Variants in THSD7B observed in about 807,000 individuals in gnomAD.
THSD7B encodes the protein thrombospondin type-1 domain-containing protein 7B.
Under a neutral mutation model 213.6 loss-of-function variants are expected in THSD7B, and 138 were observed. The ratio of observed to expected loss-of-function variants is 0.65; its 90% CI spans 0.56 to 0.74. THSD7B has a LOEUF of 0.74. Among genes scored for constraint, THSD7B ranks in the 30% least tolerant of loss-of-function variants. THSD7B has a pLI of 0.00. For synonymous variants in THSD7B, 742 were observed against 687.0 expected (o/e 1.08, Z -1.25); for missense variants, 1,931 against 1,991.5 (o/e 0.97, Z 0.58).
chr2:136,890,303 C>CCTCCTCCTCTTCTTCTTCTTCTT (rs1553455794), intron 2 of THSD7B, among the ~76,000 whole-genome samples: 2 of 5,164 alleles, frequency 3.9e-4, no homozygotes, highest in African/African-American at 1.1e-3. Flanking sequence ...ATGTCCTACT[C>CCTCCTCCTCTTCTTCTTCTTCTT]CTTCTTCTTC....
chr2:137,236,727 C>G (rs1681771114), intron 9 of THSD7B, among the ~76,000 whole-genome samples: 2 of 152,136 alleles, frequency 1.3e-5, no homozygotes, highest in Non-Finnish European at 2.9e-5. Context: ...TACATCAGTT[C>G]CTGGGTCAGA....
chr2:137,391,577 A>G (rs1302176612), intron 12 of THSD7B, among the ~76,000 whole-genome samples: 4 of 151,284 alleles, frequency 2.6e-5, no homozygotes, highest in Non-Finnish European at 5.9e-5. Flanking sequence ...ATTCCCATCT[A>G]TTGGGAGGCT....
intron 26 of THSD7B, among the ~76,000 whole-genome samples, chr2:137,666,988 A>G (rs1371433727): frequency 6.6e-6 from 1 of 152,122 alleles, no homozygotes; most frequent in Non-Finnish European, 1.5e-5. Flanking sequence ...TTGTTTGGTC[A>G]TGTGGTTTTT....
At chr2:137,417,839 G>A (rs1686832257) in intron 14 of THSD7B, among the ~76,000 whole-genome samples, 1 of 152,124 alleles carries the variant, frequency 6.6e-6, no homozygotes, top group Non-Finnish European at 1.5e-5. Flanking sequence ...TCCAGTTCAT[G>A]GAAGGGACTG....
chr2:137,077,648 C>G (rs34744582), intron 3 of THSD7B, among the ~76,000 whole-genome samples: 29,893 of 151,864 alleles, frequency 0.2, 4,454 homozygotes, highest in African/African-American at 0.41. Flanking sequence ...TGTTCATATC[C>G]TTCGCCCACT....
intron 5 of THSD7B, among the ~76,000 whole-genome samples, chr2:137,128,484 A>G (rs1239813286): frequency 1.3e-5 from 2 of 152,170 alleles, no homozygotes; most frequent in Non-Finnish European, 2.9e-5. Context: ...GATTTAATGA[A>G]TCTAGTCTGG....
chr2:137,290,607 C>G (rs1246692930), intron 12 of THSD7B, among the ~76,000 whole-genome samples: 1 of 152,078 alleles, frequency 6.6e-6, no homozygotes, highest in Non-Finnish European at 1.5e-5. Flanking sequence ...AGGATTTAAG[C>G]TCTTTAGATA....
intron 2 of THSD7B, among the ~76,000 whole-genome samples, chr2:137,010,778 A>G (rs1377872461): frequency 4.6e-5 from 7 of 152,344 alleles, no homozygotes; most frequent in Non-Finnish European, 1.0e-4. Context: ...TAGATGAGAC[A>G]AAGTTCCTGC....
At chr2:137,662,066 T>TCTC (rs1332106771) in intron 25 of THSD7B, among the ~76,000 whole-genome samples, 2 of 146,474 alleles carry the variant, frequency 1.4e-5, no homozygotes, top group Admixed American at 1.4e-4. Flanking sequence ...TTTTTTCTTT[T>TCTC]TTTTTTTTTT....
At chr2:136,857,163 A>G (rs1683191088) in intron 1 of THSD7B, among the ~76,000 whole-genome samples, 1 of 152,232 alleles carries the variant, frequency 6.6e-6, no homozygotes, top group South Asian at 2.1e-4. Flanking sequence ...TAAATTGGCT[A>G]TATTGATTTG....
chr2:137,461,650 G>T (rs1393424092), intron 15 of THSD7B, among the ~76,000 whole-genome samples: 1 of 152,016 alleles, frequency 6.6e-6, no homozygotes, highest in East Asian at 1.9e-4. Flanking sequence ...TCATAAGTCT[G>T]ATAAGCCTCA....
chr2:137,191,174 G>A (rs13029184), intron 7 of THSD7B, among the ~76,000 whole-genome samples: 7,041 of 152,298 alleles, frequency 0.046, 202 homozygotes, highest in Admixed American at 0.071. Flanking sequence ...TGGCAAGCAG[G>A]TGTATTGCTG....
chr2:137,377,408 T>TA (rs1216701498), intron 12 of THSD7B, among the ~76,000 whole-genome samples: 6 of 152,168 alleles, frequency 3.9e-5, no homozygotes, highest in African/African-American at 1.4e-4. Context: ...TACTTTTATT[T>TA]AAAAAAGTTA....
chr2:137,575,001 T>C (rs1235560385), intron 17 of THSD7B, among the ~76,000 whole-genome samples: 1 of 152,082 alleles, frequency 6.6e-6, no homozygotes, highest in African/African-American at 2.4e-5. Flanking sequence ...TAGTCTGCAG[T>C]GTGACATATG....
chr2:137,064,962 TTG>T (rs1687349049), intron 3 of THSD7B, among the ~76,000 whole-genome samples: 1 of 151,642 alleles, frequency 6.6e-6, no homozygotes, highest in African/African-American at 2.4e-5. Flanking sequence ...TTTTTTTTTG[TTG>T]TTGTTGTTTT....
rs188671968 is a variant in THSD7B at position 137,621,692 on chromosome 2, G to A, written c.3799+966G>A. 2.6e-5 allele frequency among the ~76,000 whole-genome samples: 4 copies of A among 152,306 alleles called. No individual in the cohort carries two copies. The East Asian group carries it at 7.7e-4, about 29-fold the overall frequency. On this transcript the variant is annotated intron_variant, in intron 20 of 27. Transcript: ENST00000409968. ...AGTTGCAATATATCATAAGGTAGAT[G>A]TCAAAAATTTGGAGTAAGGACCTAG...
intron 12 of THSD7B, among the ~76,000 whole-genome samples, chr2:137,302,970 A>G (rs1362279945): frequency 6.6e-6 from 1 of 152,132 alleles, no homozygotes; most frequent in Non-Finnish European, 1.5e-5. Flanking sequence ...TGCAGGTGCA[A>G]ATATCCATAG....
At chr2:137,480,949 C>T (rs536010004) in intron 15 of THSD7B, among the ~76,000 whole-genome samples, 4 of 152,220 alleles carry the variant, frequency 2.6e-5, no homozygotes, top group Non-Finnish European at 5.9e-5. Flanking sequence ...AGAGACAAGG[C>T]CTCTTACACG....
intron 1 of THSD7B, among the ~76,000 whole-genome samples, chr2:136,776,205 G>C (rs16836605): frequency 0.021 from 3,189 of 152,224 alleles, 120 homozygotes; most frequent in African/African-American, 0.072. Flanking sequence ...TGGGCTCCCT[G>C]TCTACCTATT....
Sources: allele counts gnomAD v4.1 joint callset (sites outside exome capture counted in the v4.1 genomes callset), GRCh38; gene constraint gnomAD v4.1.1; transcripts MANE v1.5; gene names NCBI Gene and HGNC (gene_info 2026-07-23, HGNC 2026-07-21).